PLCXD2: variants seen among roughly 807,000 people sequenced by gnomAD.
PLCXD2 encodes the protein PI-PLC X domain-containing protein 2.
A neutral mutation model predicts 28.6 loss-of-function variants in PLCXD2; 21 were observed. The ratio of observed to expected loss-of-function variants is 0.73; its 90% CI spans 0.52 to 1.06. The LOEUF (loss-of-function observed/expected upper bound fraction) is 1.06. PLCXD2 is among the 50% of genes least tolerant of loss of function. The probability of loss-of-function intolerance (pLI) is 0.00; values close to 1 mark genes in which losing one functional copy is unlikely to be tolerated. For missense variants in PLCXD2, 369 were observed against 376.7 expected (o/e 0.98, Z 0.17); for synonymous variants, 140 against 150.1 (o/e 0.93, Z 0.49).
chr3:111,707,229 G>A (rs1406593074), intron 1 of PLCXD2, among the ~76,000 whole-genome samples: 4 of 152,184 alleles, frequency 2.6e-5, no homozygotes, highest in African/African-American at 4.8e-5. Context: ...TGAGCCCATC[G>A]AAATGGTTAG....
chr3:111,706,826 AAC>A (rs1491011977), intron 1 of PLCXD2, among the ~76,000 whole-genome samples: 21 of 151,656 alleles, frequency 1.4e-4, no homozygotes, highest in Non-Finnish European at 2.8e-4. Context: ...AAAAAAAAAA[AAC>A]ACAAAGAGAA....
intron 1 of PLCXD2, 128 bp downstream of exon 1, chr3:111,675,536 A>G (rs1940608524): frequency 9.0e-7 from 1 of 1,107,646 alleles, no homozygotes; most frequent in South Asian, 1.3e-5. Context: ...TTTCCAAACC[A>G]AAAACTTAAC....
At chr3:111,704,623 C>T (rs1941091119) in intron 1 of PLCXD2, among the ~76,000 whole-genome samples, 1 of 152,098 alleles carries the variant, frequency 6.6e-6, no homozygotes, top group Non-Finnish European at 1.5e-5. Context: ...TATTTCAATA[C>T]GTGTATACAA....
chr3:111,711,623 A>G (rs1020077193), intron 2 of PLCXD2, among the ~76,000 whole-genome samples: 1 of 152,212 alleles, frequency 6.6e-6, no homozygotes, highest in African/African-American at 2.4e-5. Context: ...ATGCAATTAC[A>G]TCATAGCCAT....
chr3:111,683,290 G>C (rs1207489721), intron 1 of PLCXD2, among the ~76,000 whole-genome samples: 2 of 152,164 alleles, frequency 1.3e-5, no homozygotes, highest in Non-Finnish European at 2.9e-5. Flanking sequence ...CTTGGGCAAA[G>C]CCAAGCAGTC....
chr3:111,722,801 A>G (rs138279283), intron 3 of PLCXD2: 1 of 152,232 alleles, frequency 6.6e-6, no homozygotes, highest in Non-Finnish European at 1.5e-5. Flanking sequence ...CCACACCCCC[A>G]ACTCTTGGTC....
chr3:111,707,902 C>T (rs763724920), intron 1 of PLCXD2, 24 bp from the exon 2 acceptor site: 1 of 1,579,146 alleles, frequency 6.3e-7, no homozygotes, highest in African/African-American at 1.4e-5. Flanking sequence ...CATCTGCTTT[C>T]CTCACCTGTA....
intron 3 of PLCXD2, chr3:111,724,424 CATG>C (rs924803923): frequency 3.3e-5 from 5 of 152,116 alleles, no homozygotes; most frequent in Admixed American, 2.6e-4. Context: ...GTTCTTTTTA[CATG>C]ATCTCATATT....
rs141354833 is a variant in PLCXD2, at chr3:111,718,231, G to A, written c.866+4103G>A. ...TGTAATCCCAGTACTTTGGGAGGCCGAGGTGGGCGGATCACCAGGTCAGGA... is the reference window on the plus strand; with the variant it reads ...TGTAATCCCAGTACTTTGGGAGGCCAAGGTGGGCGGATCACCAGGTCAGGA... On this transcript the variant is annotated intron_variant, in intron 3 of 4. Transcript: ENST00000477665. Among the ~76,000 whole-genome samples the A allele has an allele frequency of 1.2e-3, 177 of 152,280 alleles. 2 individuals carry two copies. The highest frequency in any genetic ancestry group is 3.7e-3 in the African/African-American group (155 of 41,548).
chr3:111,696,672 A>G (rs990791337), intron 1 of PLCXD2, among the ~76,000 whole-genome samples: 3 of 152,180 alleles, frequency 2.0e-5, no homozygotes, highest in African/African-American at 7.2e-5. Flanking sequence ...ACAAGCTTTA[A>G]TTGAACACTC....
intron 1 of PLCXD2, among the ~76,000 whole-genome samples, chr3:111,699,011 G>A (rs1331396347): frequency 6.6e-6 from 1 of 152,188 alleles, no homozygotes. Context: ...TACACATGGG[G>A]TGGGGAGAGT....
chr3:111,677,853 T>G (rs1326492210), intron 1 of PLCXD2, among the ~76,000 whole-genome samples: 3 of 152,240 alleles, frequency 2.0e-5, no homozygotes, highest in African/African-American at 7.2e-5. Flanking sequence ...AATATATAGG[T>G]AGATACATAC....
At position 111,713,958 on chromosome 3, in the gene PLCXD2, G is replaced by A. The variant is rs17423699; in HGVS notation, c.696G>A (p.Ala232=). ...TGTGGCCAGGAAAGAAGATTCCAGC[G>A]CCCTGGGCAAACACCACAAGTGTGC... Residue 232 remains alanine, a synonymous_variant, in exon 3 of 5, where the codon GCG becomes GCA. Transcript: ENST00000477665. 94,750 of 1,613,952 alleles carry A rather than the reference G, an allele frequency of 0.059. 3,225 individuals are homozygous for A. The highest frequency in any genetic ancestry group is 0.068 in the Non-Finnish European group (80,579 of 1,179,958).
intron 1 of PLCXD2, among the ~76,000 whole-genome samples, chr3:111,700,425 A>G (rs1044478121): frequency 6.6e-6 from 1 of 152,214 alleles, no homozygotes; most frequent in African/African-American, 2.4e-5. Flanking sequence ...AATTAGTCCT[A>G]TGCATATAGA....
chr3:111,707,784 G>A, intron 1 of PLCXD2, 142 bp from the exon 2 acceptor site: 1 of 710,848 alleles, frequency 1.4e-6, no homozygotes, highest in East Asian at 2.7e-5. Flanking sequence ...TAGCAAGCTT[G>A]GCAAATTTTG....
At chr3:111,706,516 T>A (rs1274842076) in intron 1 of PLCXD2, among the ~76,000 whole-genome samples, 1 of 151,944 alleles carries the variant, frequency 6.6e-6, no homozygotes, top group African/African-American at 2.4e-5. Flanking sequence ...AGAAGAAAGG[T>A]ACAAAGAATA....
At chr3:111,711,930 A>G (rs1941204452) in intron 2 of PLCXD2, among the ~76,000 whole-genome samples, 1 of 152,216 alleles carries the variant, frequency 6.6e-6, no homozygotes, top group South Asian at 2.1e-4. Context: ...TCCATCAAGG[A>G]ATCGTTCTTG....
At chr3:111,692,617 C>T (rs1379643610) in intron 1 of PLCXD2, 1 of 152,172 alleles carries the variant, frequency 6.6e-6, no homozygotes, top group Non-Finnish European at 1.5e-5. Flanking sequence ...CTATTTATGT[C>T]ATTGACCCAG....
In PLCXD2 at chr3:111,708,069, C is replaced by G. The variant is rs571921225; in HGVS notation, c.307C>G (p.Arg103Gly). The G allele has an allele frequency of 1.2e-6, 2 of 1,614,174 alleles. No homozygotes were observed. The highest frequency in any genetic ancestry group is 1.7e-6 in the Non-Finnish European group (2 of 1,180,034). ...GTCTGTGACTCAGAACCTGACATTT[C>G]GAGAACAGCTGGAAGCTGGGATCCG... The change falls in exon 2 of 5, where the codon CGA (arginine) becomes GGA (glycine). Residue 103 changes from arginine to glycine, a missense_variant. Physicochemically the swap from Arg to Gly is moderately radical, Grantham distance 125. Transcript: ENST00000477665.
Sources: gnomAD v4.1 joint callset for allele counts (sites outside exome capture counted in the v4.1 genomes callset) on GRCh38, gnomAD v4.1.1 for gene constraint, MANE v1.5 for transcripts, NCBI Gene and HGNC (gene_info 2026-07-23, HGNC 2026-07-21) for gene names.